The following TWF1 variants were observed in gnomAD, a reference collection of about 807,000 sequenced individuals.
The protein encoded by TWF1 is twinfilin actin binding protein 1.
TWF1 carries 14 observed loss-of-function variants against 47.9 expected under a neutral mutation model. That is an observed-to-expected ratio of 0.29 (90% CI 0.19 to 0.46). TWF1 has a LOEUF of 0.46. Ranked by LOEUF, TWF1 falls within the 20% of genes least tolerant of loss-of-function variation. The probability of loss-of-function intolerance (pLI) is 1.00; values close to 1 mark genes in which losing one functional copy is unlikely to be tolerated. For synonymous variants in TWF1, 96 were observed against 139.2 expected (o/e 0.69, Z 2.18); for missense variants, 281 against 409.3 (o/e 0.69, Z 2.70).
chr12:43,805,661 G>A (rs1034871073), intron 1 of TWF1: 4 of 647,618 alleles, frequency 6.2e-6, no homozygotes, highest in African/African-American at 5.6e-5. Flanking sequence ...CAAAACACAC[G>A]CTTACACTCG....
In TWF1 at chr12:43,802,435, G is replaced by C; in HGVS notation, c.133C>G (p.Pro45Ala). The C allele has an allele frequency of 8.7e-6, 14 of 1,601,220 alleles. No homozygotes were observed. Among genetic ancestry groups the C allele is most frequent in the Non-Finnish European group, 1.1e-5 (13 of 1,176,592 alleles). The change falls in exon 3 of 9, where the codon CCT becomes GCT. Residue 45 changes from proline to alanine, a missense_variant. By Grantham distance (27) the Pro-to-Ala change is conservative. Transcript: ENST00000395510. ...TAATCCTTATCCCAGGAATCTGAAG[G>C]CTGACTATATGATCCAATCACAAGT... ...EQLVIGSYSQ[P>A]SDSWDKDYDS... is the part of the protein sequence containing the mutation.
chr12:43,806,234 C>A lies in TWF1; in HGVS notation c.12G>T (p.Gln4His), dbSNP rs1452806823. The part of the protein sequence containing the change: MSH[Q>H]TGIQASEDVK... The stretch of plus-strand genomic sequence containing the variant: ...GGGCGCTGTTACCTTGGATGCCGGT[C>A]TGGTGGGACATGGCGGCGGCCGCTA... The change falls in exon 1 of 9, where the codon CAG becomes CAT. Residue 4 changes from glutamine to histidine, a missense_variant. By Grantham distance (24) the Gln-to-His change is conservative. Coordinates refer to ENST00000395510, the MANE Select transcript of TWF1 (RefSeq NM_002822.5). The A allele has an allele frequency of 1.3e-6, 2 of 1,538,696 alleles. No individual in the cohort carries two copies. Among genetic ancestry groups the A allele is most frequent in the Non-Finnish European group, 8.7e-7 (1 of 1,144,010 alleles).
rs1313255576 is a variant in TWF1 at position 43,806,289 on chromosome 12, G to A, written c.-44C>T. The A allele has an allele frequency of 2.1e-6, 3 of 1,452,876 alleles. No homozygotes were observed. The highest frequency in any genetic ancestry group is 1.3e-5 in the South Asian group (1 of 76,342). 90.0% of individuals were successfully genotyped at this position (1,452,876 alleles called of 1,614,324 possible). ...CCGGCTCCGGCGCTGAGTGCAGCCA[G>A]CGGCCCCGGCCGGCGGCCCCAGGAA... On this transcript the variant is annotated 5_prime_UTR_variant, in exon 1 of 9. Transcript: ENST00000395510.
At chr12:43,806,134 C>A (rs868670998) in intron 1 of TWF1, 87 bp downstream of exon 1, 17 of 1,529,306 alleles carry the variant, frequency 1.1e-5, no homozygotes, top group Non-Finnish European at 1.5e-5. Context: ...CCCGGCCCGA[C>A]TCCAGCCCTG....
At position 43,802,718 on chromosome 12, in the gene TWF1, A is replaced by C. The variant is rs147362946; in HGVS notation, c.104-254T>G. The stretch of plus-strand genomic sequence containing the variant: ...AAGAAAGAAACATATAAAAATGATC[A>C]TAACAGTTGAACTGAATGGTCAAAT... On this transcript the variant is annotated intron_variant, in intron 2 of 8. Transcript: ENST00000395510. Among the ~76,000 whole-genome samples the C allele has an allele frequency of 3.0e-3, 453 of 152,322 alleles. 4 individuals are homozygous for C. Among genetic ancestry groups the C allele is most frequent in the African/African-American group, 9.8e-3 (408 of 41,578 alleles).
At chr12:43,805,373 C>A (rs932138640) in intron 1 of TWF1, among the ~76,000 whole-genome samples, 3 of 152,012 alleles carry the variant, frequency 2.0e-5, no homozygotes, top group Non-Finnish European at 2.9e-5. Flanking sequence ...GCGGTGGTGT[C>A]AAAAATCTTT....
rs143524612 is a variant in TWF1 at position 43,804,538 on chromosome 12, G to A, written c.60C>T (p.Ala20=). The change falls in exon 2 of 9, where the codon GCC becomes GCT. Residue 20 remains alanine, a synonymous_variant. Transcript: ENST00000395510. ...TCAGAAGTCTGTACTTTCCATTTCT[G>A]GCTCTGGCAAAGATCTCTTTAACAT... The part of the protein sequence containing the change: ...SEDVKEIFAR[A]RNGKYRLLKI... The A allele has an allele frequency of 4.4e-6, 7 of 1,602,848 alleles. No individual in the cohort carries two copies. In the African/African-American group the frequency reaches 9.4e-5, roughly 22 times the overall value.
chr12:43,799,627 T>G (rs1364750559), intron 4 of TWF1, 125 bp from the exon 5 acceptor site: 1 of 522,958 alleles, frequency 1.9e-6, no homozygotes, highest in Non-Finnish European at 3.2e-6. Flanking sequence ...CATTATGAAT[T>G]TTAATATCTT....
chr12:43,797,656 TC>T, intron 6 of TWF1, 51 bp downstream of exon 6: 3 of 1,588,276 alleles, frequency 1.9e-6, no homozygotes, highest in Non-Finnish European at 1.7e-6. Flanking sequence ...CCTATATGAG[TC>T]ATAAACTACC....
intron 2 of TWF1, among the ~76,000 whole-genome samples, chr12:43,802,695 G>C (rs1405675138): frequency 6.6e-6 from 1 of 152,066 alleles, no homozygotes. Flanking sequence ...CACAGCCTAA[G>C]AAAGAAACAT....
intron 8 of TWF1, among the ~76,000 whole-genome samples, chr12:43,796,225 G>C (rs984356291): frequency 1.3e-5 from 2 of 152,202 alleles, no homozygotes; most frequent in East Asian, 3.9e-4. Context: ...ATGTGGCTTG[G>C]CAAAGCCTTT....
intron 2 of TWF1, chr12:43,804,027 T>C (rs1178934195): frequency 4.5e-6 from 1 of 224,192 alleles, no homozygotes; most frequent in African/African-American, 2.3e-5. Context: ...TCTCAGAACT[T>C]TCCCAAAACA....
At chr12:43,804,235 C>T in intron 2 of TWF1, 1 of 488,594 alleles carries the variant, frequency 2.0e-6, no homozygotes. Flanking sequence ...GACTGTGGTG[C>T]AGAAACTGAG....
chr12:43,806,047 G>A (rs1942760894), intron 1 of TWF1, 174 bp downstream of exon 1: 1 of 1,518,822 alleles, frequency 6.6e-7, no homozygotes, highest in East Asian at 2.5e-5. Context: ...GAGGACGCAG[G>A]CCGGCAGCGC....
chr12:43,795,688 T>C lies in TWF1; in HGVS notation c.950A>G (p.His317Arg), dbSNP rs778564852. The C allele has an allele frequency of 9.3e-6, 15 of 1,613,828 alleles. No homozygotes were observed. Among genetic ancestry groups the C allele is most frequent in the Admixed American group, 5.0e-5 (3 of 60,006 alleles). ...TTTTGCAAAACTTTGCTTGTGTGCA[T>C]GCTGCTTGGGATGTACTTCTTCATA... ...FLYEEVHPKQHAHKQSFAKPK... is the reference protein window; with the variant it reads ...FLYEEVHPKQRAHKQSFAKPK... The change falls in exon 9 of 9, where the codon CAT becomes CGT. Residue 317 changes from histidine (H) to arginine (R), a missense_variant. His to Arg is a conservative substitution (Grantham distance 29). Transcript: ENST00000395510.
intron 1 of TWF1, among the ~76,000 whole-genome samples, chr12:43,804,908 T>C (rs1942728983): frequency 6.6e-6 from 1 of 152,194 alleles, no homozygotes; most frequent in South Asian, 2.1e-4. Flanking sequence ...TTTTGAAAAA[T>C]ATTGAAAACC....
At chr12:43,797,578 G>C (rs1942577281) in intron 6 of TWF1, 126 bp from the exon 7 acceptor site, 3 of 1,410,428 alleles carry the variant, frequency 2.1e-6, no homozygotes, top group Admixed American at 2.4e-5. Context: ...TTTTCACAAT[G>C]AACATTTACA....
intron 1 of TWF1, chr12:43,805,705 T>G (rs1942748853): frequency 1.1e-6 from 1 of 941,088 alleles, no homozygotes; most frequent in African/African-American, 1.7e-5. Context: ...ATTTTCCTAT[T>G]TGGAGAGAAA....
In TWF1 at chr12:43,794,242, A is replaced by G. The variant is rs1173991706; in HGVS notation, c.*1343T>C. 1 of 152,668 alleles carries G rather than the reference A, an allele frequency of 6.6e-6. No homozygotes were observed. The highest frequency in any genetic ancestry group is 6.5e-5 in the Admixed American group (1 of 15,290). The allele number at this position is 152,668 out of a possible 1,614,324, so 9.5% of individuals were successfully genotyped here. Reference sequence around the variant, plus strand: ...CAGTTATTTTGCATGTTTAAATATTATAGTCTGATTATTTGTAAACAAACA... The same window carrying G: ...CAGTTATTTTGCATGTTTAAATATTGTAGTCTGATTATTTGTAAACAAACA... On this transcript the variant is annotated 3_prime_UTR_variant, in exon 9 of 9. Coordinates refer to ENST00000395510, the MANE Select transcript of TWF1 (RefSeq NM_002822.5).
Sources: allele counts gnomAD v4.1 joint callset (sites outside exome capture counted in the v4.1 genomes callset), GRCh38; gene constraint gnomAD v4.1.1; transcripts MANE v1.5; gene names NCBI Gene and HGNC (gene_info 2026-07-23, HGNC 2026-07-21).